MTRF1: variants seen among roughly 807,000 people sequenced by gnomAD.
MTRF1 encodes the protein peptide chain release factor 1, mitochondrial.
MTRF1 carries 51 observed loss-of-function variants against 62.9 expected under a neutral mutation model. The observed-to-expected ratio is 0.81, with a 90% CI of 0.65 to 1.02. The LOEUF (loss-of-function observed/expected upper bound fraction) is 1.02, where lower values mean the gene tolerates loss of function less well. Among genes scored for constraint, MTRF1 ranks in the 50% least tolerant of loss-of-function variants. The pLI, the probability that MTRF1 is intolerant of heterozygous loss-of-function variation, is 0.00. For synonymous variants in MTRF1, 158 were observed against 181.9 expected (o/e 0.87, Z 1.06); for missense variants, 446 against 530.0 (o/e 0.84, Z 1.56).
chr13:41,288,041 G>A, the MTRF1 span: 1 of 400,190 alleles, frequency 2.5e-6, no homozygotes, highest in Non-Finnish European at 5.0e-6. Flanking sequence ...ACTCTGCACA[G>A]ACATTTTCAA....
At chr13:41,234,742 G>A (rs189743031) in intron 6 of MTRF1, among the ~76,000 whole-genome samples, 19 of 152,270 alleles carry the variant, frequency 1.2e-4, no homozygotes, top group Admixed American at 1.0e-3. Flanking sequence ...GACATGCATA[G>A]GGCAGTGAAA....
chr13:41,268,210 G>A (rs530373203), upstream of MTRF1, among the ~76,000 whole-genome samples: 1 of 152,286 alleles, frequency 6.6e-6, no homozygotes, highest in South Asian at 2.1e-4. Flanking sequence ...TAGGCAGATA[G>A]TAATGGTATG....
chr13:41,259,008 C>A (rs1016657749), intron 2 of MTRF1, among the ~76,000 whole-genome samples: 16 of 152,108 alleles, frequency 1.1e-4, no homozygotes, highest in African/African-American at 3.6e-4. Flanking sequence ...CAAATAAGCA[C>A]CAGAAAAGAT....
rs1441797873 is a variant in MTRF1, at chr13:41,223,267, G to T, written c.1213C>A (p.Arg405Ser). The T allele has an allele frequency of 6.2e-7, 1 of 1,611,532 alleles. No homozygotes were observed. Among genetic ancestry groups the T allele is most frequent in the African/African-American group, 1.3e-5 (1 of 74,952 alleles). The change falls in exon 9 of 10, where the codon CGT (arginine) becomes AGT (serine). Residue 405 changes from arginine to serine, a missense_variant. Physicochemically the swap from Arg to Ser is moderately radical, Grantham distance 110. Transcript: ENST00000379480. ...VSDHRIAYEV[R>S]DIKEFLCGGK... is the part of the protein sequence containing the mutation. ...CTCAGTAGTATTACCTTAATATCAC[G>T]AACTTCATATGCTATCCTGTGGTCA...
At chr13:41,291,928 AAAAGAG>A in the MTRF1 span, among the ~76,000 whole-genome samples, 4 of 152,188 alleles carry the variant, frequency 2.6e-5, no homozygotes, top group Admixed American at 1.3e-4. Context: ...TTAGAAATCT[AAAAGAG>A]AAAGAACTAT....
At chr13:41,309,808 C>T in the MTRF1 span, among the ~76,000 whole-genome samples, 3 of 152,078 alleles carry the variant, frequency 2.0e-5, no homozygotes, top group African/African-American at 7.2e-5. Flanking sequence ...ACCAGCCTGA[C>T]CAACATGGAG....
At position 41,254,209 on chromosome 13, in the gene MTRF1, CCTCTT is replaced by C. The variant is rs143892380; in HGVS notation, c.507+315_507+319del. ...TTAACAGCCACCATGAACTCCTCCTCCTCTTCTCACTCTTAAAATCCTCTGACTCT... is the reference window on the plus strand; with the variant it reads ...TTAACAGCCACCATGAACTCCTCCTCCTCACTCTTAAAATCCTCTGACTCT... On this transcript the variant is annotated intron_variant, in intron 3 of 9. Coordinates refer to ENST00000379480, the MANE Select transcript of MTRF1 (RefSeq NM_004294.4). Among the ~76,000 whole-genome samples the C allele has an allele frequency of 4.1e-3, 622 of 152,324 alleles. 9 individuals are homozygous for C. Among genetic ancestry groups the C allele is most frequent in the East Asian group, 0.034 (174 of 5,192 alleles).
At chr13:41,232,204 A>G (rs1217747249) in intron 7 of MTRF1, among the ~76,000 whole-genome samples, 2 of 152,174 alleles carry the variant, frequency 1.3e-5, no homozygotes, top group African/African-American at 2.4e-5. Context: ...AAAAAAAGAA[A>G]TAAGTATCAA....
At chr13:41,286,073 AAAC>A in the MTRF1 span, among the ~76,000 whole-genome samples, 11 of 100,196 alleles carry the variant, frequency 1.1e-4, no homozygotes, top group African/African-American at 3.2e-4. Flanking sequence ...CAAAAAAAAC[AAAC>A]AACAACAACA....
chr13:41,249,609 A>ATTTTT (rs1364011606), intron 5 of MTRF1, among the ~76,000 whole-genome samples: 1 of 84,588 alleles, frequency 1.2e-5, no homozygotes, highest in Non-Finnish European at 2.4e-5. Context: ...TTAGTCTTTG[A>ATTTTT]TTTTTTTTTC....
chr13:41,274,425 T>G, the MTRF1 span, among the ~76,000 whole-genome samples: 3 of 152,144 alleles, frequency 2.0e-5, no homozygotes, highest in Non-Finnish European at 4.4e-5. Context: ...ATGACCCTTG[T>G]ACAAATATGA....
the MTRF1 span, among the ~76,000 whole-genome samples, chr13:41,306,321 T>A: frequency 0.014 from 2,190 of 151,640 alleles, 82 homozygotes; most frequent in East Asian, 0.14. Flanking sequence ...GAGGCGGAGC[T>A]TGCAATGAGC....
At chr13:41,249,735 C>T (rs1306488959) in intron 5 of MTRF1, among the ~76,000 whole-genome samples, 1 of 143,918 alleles carries the variant, frequency 6.9e-6, no homozygotes, top group Admixed American at 7.3e-5. Context: ...CAAGTGATTC[C>T]CATGCCTCAG....
chr13:41,227,283 AACAC>A (rs1436510902), intron 7 of MTRF1, among the ~76,000 whole-genome samples: 1 of 152,018 alleles, frequency 6.6e-6, no homozygotes, highest in African/African-American at 2.4e-5. Flanking sequence ...AACAAAAACA[AACAC>A]AACAACAAAA....
chr13:41,279,599 C>A, the MTRF1 span, among the ~76,000 whole-genome samples: 2 of 152,122 alleles, frequency 1.3e-5, no homozygotes, highest in African/African-American at 4.8e-5. Flanking sequence ...CATAAATTCT[C>A]ATCAGATGGG....
chr13:41,240,144 CAG>C, intron 6 of MTRF1, 115 bp downstream of exon 6: 2 of 1,036,972 alleles, frequency 1.9e-6, no homozygotes, highest in Non-Finnish European at 2.7e-6. Flanking sequence ...ACCTGGGCGA[CAG>C]AGCGAGACTC....
chr13:41,258,775 T>C (rs1594045167), intron 2 of MTRF1, among the ~76,000 whole-genome samples: 1 of 151,980 alleles, frequency 6.6e-6, no homozygotes, highest in African/African-American at 2.4e-5. Context: ...AAAAGATAAA[T>C]TGGACATCAT....
intron 6 of MTRF1, chr13:41,236,063 GCACACA>G (rs140449857): frequency 2.1e-5 from 3 of 142,798 alleles, no homozygotes; most frequent in African/African-American, 7.8e-5. Context: ...ACAGACACAC[GCACACA>G]CACACACAGT....
chr13:41,250,235 CT>C (rs1288236785), intron 5 of MTRF1, among the ~76,000 whole-genome samples: 22 of 152,262 alleles, frequency 1.4e-4, no homozygotes, highest in African/African-American at 5.1e-4. Flanking sequence ...ACTCTCTCCT[CT>C]TTTGCTTCCA....
Sources: gnomAD v4.1 joint callset for allele counts (sites outside exome capture counted in the v4.1 genomes callset) on GRCh38, gnomAD v4.1.1 for gene constraint, MANE v1.5 for transcripts, NCBI Gene and HGNC (gene_info 2026-07-23, HGNC 2026-07-21) for gene names.